Variants in PLCB1 observed in about 807,000 individuals in gnomAD.
PLCB1 encodes the protein 1-phosphatidylinositol 4,5-bisphosphate phosphodiesterase beta-1.
A neutral mutation model predicts 161.8 loss-of-function variants in PLCB1; 46 were observed. That is an observed-to-expected ratio of 0.28 (90% CI 0.22 to 0.36). The LOEUF (loss-of-function observed/expected upper bound fraction) is 0.36, where lower values mean the gene tolerates loss of function less well. Ranked by LOEUF, PLCB1 falls within the 10% of genes least tolerant of loss-of-function variation. The pLI is 1.00. For synonymous variants in PLCB1, 517 were observed against 503.7 expected, an observed-to-expected ratio of 1.03 and a Z score of -0.35; for missense variants, 1,016 against 1,472.5, an observed-to-expected ratio of 0.69 and a Z score of 5.07.
chr20:8,369,972 G>A (rs1294638922), intron 2 of PLCB1, among the ~76,000 whole-genome samples: 2 of 152,216 alleles, frequency 1.3e-5, no homozygotes, highest in African/African-American at 2.4e-5. Flanking sequence ...GGCAGCAGCT[G>A]TTTGAAGAAG....
intron 31 of PLCB1, among the ~76,000 whole-genome samples, chr20:8,838,523 G>C (rs1391203321): frequency 1.3e-5 from 2 of 152,162 alleles, no homozygotes; most frequent in African/African-American, 4.8e-5. Context: ...TGTATACTTG[G>C]AATAGATAAA....
chr20:8,801,587 A>C (rs1394641347), intron 31 of PLCB1, among the ~76,000 whole-genome samples: 12 of 152,212 alleles, frequency 7.9e-5, no homozygotes, highest in African/African-American at 2.4e-4. Context: ...TTTTGAATGC[A>C]TGATGTATGT....
chr20:8,677,755 A>G (rs1220864633), intron 9 of PLCB1, among the ~76,000 whole-genome samples: 5 of 152,124 alleles, frequency 3.3e-5, no homozygotes, highest in African/African-American at 1.2e-4. Context: ...AAAAAATCCA[A>G]CCCAAAATAC....
intron 2 of PLCB1, among the ~76,000 whole-genome samples, chr20:8,296,633 T>TCTGAATTATGTCTCC (rs1276006837): frequency 1.8e-3 from 277 of 152,332 alleles, no homozygotes; most frequent in Non-Finnish European, 3.1e-3. Flanking sequence ...GCCCTTTCTT[T>TCTGAATTATGTCTCC]CTGAATTATG....
At chr20:8,234,846 T>C (rs1303965788) in intron 2 of PLCB1, among the ~76,000 whole-genome samples, 1 of 152,150 alleles carries the variant, frequency 6.6e-6, no homozygotes, top group Admixed American at 6.5e-5. Context: ...TGTTTCTTTT[T>C]GCCATGATGC....
intron 3 of PLCB1, among the ~76,000 whole-genome samples, chr20:8,387,169 A>G (rs1987448345): frequency 1.3e-5 from 2 of 152,174 alleles, no homozygotes; most frequent in South Asian, 4.1e-4. Context: ...TGGGCGGCTG[A>G]CTGCTTGGCA....
At chr20:8,426,562 T>C (rs989615590) in intron 3 of PLCB1, among the ~76,000 whole-genome samples, 4 of 152,242 alleles carry the variant, frequency 2.6e-5, no homozygotes, top group African/African-American at 9.6e-5. Context: ...GAGATGCAGG[T>C]CAAAGGGCAC....
intron 3 of PLCB1, among the ~76,000 whole-genome samples, chr20:8,387,713 A>G (rs148522124): frequency 5.6e-4 from 86 of 152,326 alleles, no homozygotes; most frequent in Non-Finnish European, 9.8e-4. Context: ...ACAATGAAGC[A>G]AAGTGCAATA....
intron 10 of PLCB1, among the ~76,000 whole-genome samples, chr20:8,692,389 G>C: frequency 6.6e-6 from 1 of 152,118 alleles, no homozygotes; most frequent in East Asian, 1.9e-4. Flanking sequence ...AGCACACACA[G>C]ACCTAAAAAG....
At chr20:8,265,043 G>C (rs985794672) in intron 2 of PLCB1, among the ~76,000 whole-genome samples, 12 of 152,230 alleles carry the variant, frequency 7.9e-5, no homozygotes, top group Admixed American at 1.3e-4. Context: ...GTAAGTCCAG[G>C]AAATGGCTAC....
intron 2 of PLCB1, among the ~76,000 whole-genome samples, chr20:8,171,652 T>A (rs1471032870): frequency 3.3e-5 from 5 of 152,156 alleles, no homozygotes; most frequent in Non-Finnish European, 5.9e-5. Flanking sequence ...ATTAATATAA[T>A]GTGTTTGGAT....
chr20:8,557,405 T>C (rs1020872578), intron 3 of PLCB1, among the ~76,000 whole-genome samples: 2 of 152,082 alleles, frequency 1.3e-5, no homozygotes, highest in Admixed American at 6.6e-5. Flanking sequence ...AGAACATGGA[T>C]AAATCTTGAA....
At chr20:8,174,073 A>C (rs577609644) in intron 2 of PLCB1, among the ~76,000 whole-genome samples, 29 of 152,306 alleles carry the variant, frequency 1.9e-4, no homozygotes, top group African/African-American at 7.0e-4. Flanking sequence ...TGGGCTGAGG[A>C]ATATTTGAAT....
At chr20:8,156,845 A>G (rs2051568268) in intron 2 of PLCB1, among the ~76,000 whole-genome samples, 1 of 152,246 alleles carries the variant, frequency 6.6e-6, no homozygotes, top group Non-Finnish European at 1.5e-5. Flanking sequence ...TAAACTCTCC[A>G]TCCTTTGTGG....
intron 2 of PLCB1, among the ~76,000 whole-genome samples, chr20:8,164,612 A>G (rs1011088507): frequency 6.6e-6 from 1 of 152,234 alleles, no homozygotes; most frequent in Non-Finnish European, 1.5e-5. Flanking sequence ...AGTTTCTTGC[A>G]ATAAGAAGCT....
At chr20:8,686,485 T>A (rs1990360889) in intron 10 of PLCB1, among the ~76,000 whole-genome samples, 1 of 152,230 alleles carries the variant, frequency 6.6e-6, no homozygotes, top group African/African-American at 2.4e-5. Context: ...CTGATATATT[T>A]ATATTCATTA....
At chr20:8,619,653 G>T (rs1032240157) in intron 3 of PLCB1, among the ~76,000 whole-genome samples, 3 of 152,032 alleles carry the variant, frequency 2.0e-5, no homozygotes, top group African/African-American at 7.2e-5. Flanking sequence ...GAGAATATGA[G>T]TTGCCTAATT....
At chr20:8,807,044 TC>T (rs1316404094) in intron 31 of PLCB1, among the ~76,000 whole-genome samples, 1 of 152,214 alleles carries the variant, frequency 6.6e-6, no homozygotes, top group Non-Finnish European at 1.5e-5. Context: ...GTTGTGTGTC[TC>T]TTTGAAGATC....
intron 31 of PLCB1, among the ~76,000 whole-genome samples, chr20:8,805,698 C>G (rs1001444052): frequency 6.6e-6 from 1 of 152,190 alleles, no homozygotes; most frequent in Non-Finnish European, 1.5e-5. Flanking sequence ...GGTTAATGAA[C>G]TTTACTAAGG....
Sources: allele counts gnomAD v4.1 joint callset (sites outside exome capture counted in the v4.1 genomes callset), GRCh38; gene constraint gnomAD v4.1.1; transcripts MANE v1.5; gene names NCBI Gene and HGNC (gene_info 2026-07-23, HGNC 2026-07-21).